The following ZFYVE9 variants were observed in gnomAD, a reference collection of about 807,000 sequenced individuals.
ZFYVE9 encodes zinc finger FYVE domain-containing protein 9.
ZFYVE9 carries 43 observed loss-of-function variants against 126.7 expected under a neutral mutation model. That is an observed-to-expected ratio of 0.34 (90% confidence interval 0.27 to 0.44). The LOEUF (loss-of-function observed/expected upper bound fraction) is 0.44, where lower values mean the gene tolerates loss of function less well. Among genes scored for constraint, ZFYVE9 ranks in the 20% least tolerant of loss-of-function variants. The probability of loss-of-function intolerance (pLI) is 1.00; values close to 1 mark genes in which losing one functional copy is unlikely to be tolerated. For missense variants in ZFYVE9, 1,476 were observed against 1,697.0 expected (o/e 0.87, Z 2.29); for synonymous variants, 521 against 597.4 (o/e 0.87, Z 1.87).
chr1:52,297,623 G>A (rs541813335), intron 12 of ZFYVE9, among the ~76,000 whole-genome samples: 75 of 151,808 alleles, frequency 4.9e-4, no homozygotes, highest in African/African-American at 1.5e-3. Flanking sequence ...ACAGCTTTTC[G>A]GTTGCTTTTT....
At chr1:52,319,720 A>C (rs1646220446) in intron 13 of ZFYVE9, among the ~76,000 whole-genome samples, 1 of 152,052 alleles carries the variant, frequency 6.6e-6, no homozygotes, top group Non-Finnish European at 1.5e-5. Flanking sequence ...ACAACTTTGA[A>C]AAAGAACATA....
At chr1:52,160,592 G>T (rs1370443587) in intron 1 of ZFYVE9, 2 of 724,930 alleles carry the variant, frequency 2.8e-6, no homozygotes, top group Admixed American at 3.9e-5. Context: ...ACATTCAAAG[G>T]AATAGTCCAT....
At chr1:52,318,739 T>G (rs1646211180) in intron 13 of ZFYVE9, among the ~76,000 whole-genome samples, 2 of 152,060 alleles carry the variant, frequency 1.3e-5, no homozygotes, top group Admixed American at 6.6e-5. Flanking sequence ...GTCGTGAGAT[T>G]ATTGTATAAA....
At chr1:52,235,869 A>G (rs558091851) in intron 3 of ZFYVE9, among the ~76,000 whole-genome samples, 3 of 152,230 alleles carry the variant, frequency 2.0e-5, no homozygotes, top group South Asian at 2.1e-4. Context: ...CTACTCCTAC[A>G]TAATAGTTTT....
intron 13 of ZFYVE9, among the ~76,000 whole-genome samples, chr1:52,330,416 G>A (rs1387374820): frequency 6.6e-6 from 1 of 152,160 alleles, no homozygotes; most frequent in African/African-American, 2.4e-5. Context: ...GCAGTGTCAT[G>A]GGCTGCCTGA....
intron 1 of ZFYVE9, among the ~76,000 whole-genome samples, chr1:52,166,784 T>C (rs1452514122): frequency 2.6e-5 from 4 of 152,064 alleles, no homozygotes; most frequent in Admixed American, 6.6e-5. Flanking sequence ...CACGCACCTG[T>C]AGTCCCAGCT....
chr1:52,237,984 C>G lies in ZFYVE9; in HGVS notation c.567C>G (p.Asn189Lys). 6.2e-7 allele frequency: 1 copy of G among 1,613,972 alleles called. No homozygotes were observed. Among genetic ancestry groups the G allele is most frequent in the Non-Finnish European group, 8.5e-7 (1 of 1,179,952 alleles). ...DAFSCSLDNE[N>K]RQTDQFSFSI... ...TTAGCTGTTCACTGGATAATGAAAA[C>G]AGACAAACTGATCAATTTAGTTTTA... The change falls in exon 4 of 19, where the codon AAC (asparagine) becomes AAG (lysine). Residue 189 changes from asparagine to lysine, a missense_variant. By Grantham distance (94) the Asn-to-Lys change is moderately conservative. Around this residue, in one of 2 missense-constraint regions of ZFYVE9, gnomAD observed 807 missense variants for 794.6 expected, o/e 1.02. Transcript: ENST00000287727.
intron 1 of ZFYVE9, among the ~76,000 whole-genome samples, chr1:52,207,797 T>C (rs1042886230): frequency 1.3e-5 from 2 of 152,240 alleles, no homozygotes; most frequent in Non-Finnish European, 2.9e-5. Context: ...ATGGTTCAAA[T>C]TGCATCTTTG....
chr1:52,150,272 CGGAGACCACCAGGTTGCCTAA>C (rs895620210), intron 1 of ZFYVE9: 6 of 152,312 alleles, frequency 3.9e-5, no homozygotes, highest in African/African-American at 1.2e-4. Context: ...TCCTGGAAGT[CGGAGACCACCAGGTTGCCTAA>C]GGAGGGGTGA....
chr1:52,322,961 C>T (rs905945582), intron 13 of ZFYVE9, among the ~76,000 whole-genome samples: 1 of 152,010 alleles, frequency 6.6e-6, no homozygotes, highest in African/African-American at 2.4e-5. Flanking sequence ...CCTGCCACCG[C>T]GCCCAGCTAA....
At chr1:52,229,392 A>T (rs752761730) in intron 2 of ZFYVE9, among the ~76,000 whole-genome samples, 1 of 152,338 alleles carries the variant, frequency 6.6e-6, no homozygotes, top group Non-Finnish European at 1.5e-5. Flanking sequence ...GATGATTTCT[A>T]TATCTCTTCA....
intron 2 of ZFYVE9, among the ~76,000 whole-genome samples, chr1:52,227,149 A>G (rs1645177936): frequency 6.6e-6 from 1 of 152,254 alleles, no homozygotes; most frequent in Non-Finnish European, 1.5e-5. Context: ...AAGGAAAGGC[A>G]TGGTGGGACC....
intron 6 of ZFYVE9, among the ~76,000 whole-genome samples, chr1:52,267,350 G>A (rs1645644558): frequency 6.6e-6 from 1 of 152,034 alleles, no homozygotes; most frequent in South Asian, 2.1e-4. Context: ...CTTTAATTCT[G>A]ATTATATCAT....
At chr1:52,181,044 G>A (rs1572079637) in intron 1 of ZFYVE9, among the ~76,000 whole-genome samples, 1 of 148,276 alleles carries the variant, frequency 6.7e-6, no homozygotes, top group Non-Finnish European at 1.5e-5. Flanking sequence ...TTTGGAACTC[G>A]TCCCTCTCCC....
intron 1 of ZFYVE9, among the ~76,000 whole-genome samples, chr1:52,166,517 A>T (rs1219996430): frequency 2.0e-5 from 3 of 152,352 alleles, no homozygotes; most frequent in East Asian, 3.9e-4. Context: ...TAATCATTTT[A>T]AAATGTTTTA....
chr1:52,292,707 G>T (rs995804922), intron 10 of ZFYVE9, among the ~76,000 whole-genome samples: 1 of 151,854 alleles, frequency 6.6e-6, no homozygotes, highest in African/African-American at 2.4e-5. Context: ...CTGACCTTGT[G>T]ATCCACCCAC....
At chr1:52,163,745 G>A (rs200226236) in intron 1 of ZFYVE9, among the ~76,000 whole-genome samples, 8 of 151,842 alleles carry the variant, frequency 5.3e-5, no homozygotes, top group Non-Finnish European at 1.0e-4. Context: ...CCAGGACTTC[G>A]GGAGGATCAC....
At chr1:52,213,127 G>T (rs561538521) in intron 1 of ZFYVE9, among the ~76,000 whole-genome samples, 1 of 152,180 alleles carries the variant, frequency 6.6e-6, no homozygotes, top group Admixed American at 6.5e-5. Context: ...GGCGTTATTT[G>T]TCTCTTTATC....
At chr1:52,265,959 C>G (rs2147799806) in intron 5 of ZFYVE9, among the ~76,000 whole-genome samples, 1 of 152,136 alleles carries the variant, frequency 6.6e-6, no homozygotes, top group East Asian at 1.9e-4. Context: ...TAAATGCTAT[C>G]CAAGTTTCAA....
Sources: allele counts gnomAD v4.1 joint callset (sites outside exome capture counted in the v4.1 genomes callset), GRCh38; gene constraint gnomAD v4.1.1; regional missense constraint gnomAD v4.1.1; transcripts MANE v1.5; gene names NCBI Gene and HGNC (gene_info 2026-07-23, HGNC 2026-07-21).